Variants in ARHGAP15 observed in about 807,000 individuals in gnomAD.
ARHGAP15 encodes the protein Rho GTPase activating protein 15.
Under a neutral mutation model 63.7 loss-of-function variants are expected in ARHGAP15, and 51 were observed. That is an observed-to-expected ratio of 0.80 (90% CI 0.64 to 1.01). The LOEUF (loss-of-function observed/expected upper bound fraction) is 1.01, where lower values mean the gene tolerates loss of function less well. ARHGAP15 is among the 50% of genes least tolerant of loss of function. The probability of loss-of-function intolerance (pLI) is 0.00; values close to 1 mark genes in which losing one functional copy is unlikely to be tolerated. For synonymous variants in ARHGAP15, 191 were observed against 193.8 expected, an observed-to-expected ratio of 0.99 and a Z score of 0.12; for missense variants, 560 against 564.6, an observed-to-expected ratio of 0.99 and a Z score of 0.08.
intron 12 of ARHGAP15, among the ~76,000 whole-genome samples, chr2:143,702,863 G>C (rs544958389): frequency 1.3e-5 from 2 of 151,980 alleles, no homozygotes; most frequent in South Asian, 4.2e-4. Context: ...AAGGATCTTT[G>C]TGATTCCACT....
chr2:143,763,889 A>G (rs1686860238), intron 13 of ARHGAP15, among the ~76,000 whole-genome samples: 1 of 150,726 alleles, frequency 6.6e-6, no homozygotes, highest in Admixed American at 6.6e-5. Context: ...ACTATATCTA[A>G]CTTTCTTTCT....
intron 8 of ARHGAP15, among the ~76,000 whole-genome samples, chr2:143,467,071 A>G (rs1426069924): frequency 1.3e-5 from 2 of 152,084 alleles, no homozygotes; most frequent in Non-Finnish European, 2.9e-5. Flanking sequence ...TTAGTGATAC[A>G]TGGCTCAACA....
chr2:143,287,028 A>G (rs1287690662), intron 6 of ARHGAP15, among the ~76,000 whole-genome samples: 1 of 152,102 alleles, frequency 6.6e-6, no homozygotes. Flanking sequence ...GTAAATACAT[A>G]ATTCTTAGGA....
chr2:143,556,081 A>G (rs1559048731), intron 10 of ARHGAP15, among the ~76,000 whole-genome samples: 1 of 152,032 alleles, frequency 6.6e-6, no homozygotes, highest in Non-Finnish European at 1.5e-5. Flanking sequence ...AGGCAATAAT[A>G]CACAAACGTC....
At chr2:143,135,701 A>G (rs1454300718) in intron 1 of ARHGAP15, among the ~76,000 whole-genome samples, 1 of 151,976 alleles carries the variant, frequency 6.6e-6, no homozygotes, top group Admixed American at 6.6e-5. Context: ...CTCTCTTTTC[A>G]TTTGACTTCT....
At chr2:143,487,253 A>C in intron 8 of ARHGAP15, 120 bp from the exon 9 acceptor site, 2 of 1,165,510 alleles carry the variant, frequency 1.7e-6, no homozygotes, top group South Asian at 3.2e-5. Flanking sequence ...TAGACAGAAG[A>C]GCCTGAGCTA....
At chr2:143,479,530 TTTC>T (rs1485205355) in intron 8 of ARHGAP15, among the ~76,000 whole-genome samples, 2 of 152,102 alleles carry the variant, frequency 1.3e-5, no homozygotes, top group African/African-American at 4.8e-5. Flanking sequence ...CCTATGATAT[TTTC>T]TTCTTTTTTT....
chr2:143,157,871 G>A (rs900969739), intron 2 of ARHGAP15, among the ~76,000 whole-genome samples: 3 of 151,938 alleles, frequency 2.0e-5, no homozygotes, highest in Non-Finnish European at 2.9e-5. Flanking sequence ...GGTCAAGGGG[G>A]AGATTTTGAA....
chr2:143,737,172 AAT>A (rs952243710), intron 13 of ARHGAP15, among the ~76,000 whole-genome samples: 2 of 152,222 alleles, frequency 1.3e-5, no homozygotes, highest in African/African-American at 4.8e-5. Context: ...GGCATTGGTC[AAT>A]ATGTTTTACG....
intron 10 of ARHGAP15, among the ~76,000 whole-genome samples, chr2:143,538,072 T>A (rs1291198353): frequency 6.6e-6 from 1 of 152,212 alleles, no homozygotes; most frequent in East Asian, 1.9e-4. Flanking sequence ...TAGTTTGTAG[T>A]TCTCCTTGAA....
At chr2:143,595,572 T>C (rs1697483329) in intron 11 of ARHGAP15, among the ~76,000 whole-genome samples, 2 of 152,246 alleles carry the variant, frequency 1.3e-5, no homozygotes, top group Admixed American at 6.5e-5. Flanking sequence ...GTAAATTATG[T>C]TTAATTTTGT....
chr2:143,503,296 T>G (rs1318365252), intron 9 of ARHGAP15, among the ~76,000 whole-genome samples: 2 of 152,160 alleles, frequency 1.3e-5, no homozygotes, highest in African/African-American at 4.8e-5. Context: ...TGGGTGTGTA[T>G]AATGGGAAGT....
intron 12 of ARHGAP15, among the ~76,000 whole-genome samples, chr2:143,662,264 C>A (rs929760556): frequency 2.2e-4 from 33 of 151,488 alleles, no homozygotes; most frequent in African/African-American, 8.0e-4. Flanking sequence ...GACCCCTGAC[C>A]CCCGAGCAGC....
intron 12 of ARHGAP15, among the ~76,000 whole-genome samples, chr2:143,701,416 A>C (rs1268148460): frequency 6.6e-6 from 1 of 152,184 alleles, no homozygotes; most frequent in African/African-American, 2.4e-5. Context: ...GCTTCAGTAC[A>C]CAGGGCTTAT....
intron 2 of ARHGAP15, chr2:143,162,064 A>G (rs1224333446): frequency 1.3e-5 from 2 of 151,996 alleles, no homozygotes; most frequent in African/African-American, 4.8e-5. Context: ...ATTCAGTTCC[A>G]GTGGAACATG....
intron 3 of ARHGAP15, among the ~76,000 whole-genome samples, chr2:143,210,502 C>T (rs1692523140): frequency 6.6e-6 from 1 of 152,032 alleles, no homozygotes; most frequent in Admixed American, 6.6e-5. Flanking sequence ...AGAGGTTTAA[C>T]ATGATGGGGA....
At chr2:143,384,770 C>T (rs1004250230) in intron 6 of ARHGAP15, among the ~76,000 whole-genome samples, 2 of 152,126 alleles carry the variant, frequency 1.3e-5, no homozygotes, top group African/African-American at 2.4e-5. Context: ...GACATGAAGG[C>T]TCCTTGAAAG....
intron 6 of ARHGAP15, among the ~76,000 whole-genome samples, chr2:143,423,838 G>A (rs566233400): frequency 2.0e-5 from 3 of 152,092 alleles, no homozygotes; most frequent in East Asian, 3.9e-4. Flanking sequence ...AGGTATTATT[G>A]TTTTTCTCAG....
chr2:143,716,349 G>A (rs1684812080), intron 13 of ARHGAP15, among the ~76,000 whole-genome samples: 1 of 152,168 alleles, frequency 6.6e-6, no homozygotes, highest in African/African-American at 2.4e-5. Context: ...GCAGTACATA[G>A]TAAAATTGCC....
Sources: allele counts gnomAD v4.1 joint callset (sites outside exome capture counted in the v4.1 genomes callset), GRCh38; gene constraint gnomAD v4.1.1; transcripts MANE v1.5; gene names NCBI Gene and HGNC (gene_info 2026-07-23, HGNC 2026-07-21).